Variants in DNAJC6 observed in about 807,000 individuals in gnomAD.
The protein encoded by DNAJC6 is DnaJ heat shock protein family (Hsp40) member C6.
In DNAJC6, 34 loss-of-function variants were observed where a neutral mutation model predicts 110.0. The observed-to-expected ratio is 0.31, with a 90% CI of 0.24 to 0.41. The LOEUF (loss-of-function observed/expected upper bound fraction) is 0.41. Among genes scored for constraint, DNAJC6 ranks in the 10% least tolerant of loss-of-function variants. DNAJC6 has a pLI of 1.00. For synonymous variants in DNAJC6, 406 were observed against 437.2 expected, an observed-to-expected ratio of 0.93 and a Z score of 0.89; for missense variants, 1,031 against 1,207.8, an observed-to-expected ratio of 0.85 and a Z score of 2.17.
At chr1:65,400,721 C>A (rs761014308) in intron 14 of DNAJC6, among the ~76,000 whole-genome samples, 1 of 152,108 alleles carries the variant, frequency 6.6e-6, no homozygotes, top group Non-Finnish European at 1.5e-5. Context: ...TTTATTTATC[C>A]ATTCATCCAT....
At chr1:65,360,656 T>C (rs1215648479) in intron 1 of DNAJC6, among the ~76,000 whole-genome samples, 1 of 152,156 alleles carries the variant, frequency 6.6e-6, no homozygotes, top group Non-Finnish European at 1.5e-5. Flanking sequence ...GGGGTGTGTT[T>C]ACAGGGAAAT....
chr1:65,394,110 G>A (rs1221820829), intron 12 of DNAJC6, among the ~76,000 whole-genome samples: 1 of 151,808 alleles, frequency 6.6e-6, no homozygotes, highest in Non-Finnish European at 1.5e-5. Context: ...ATCAGTACTC[G>A]ATAATTGCAT....
At chr1:65,355,437 T>A (rs1458815482) in intron 1 of DNAJC6, among the ~76,000 whole-genome samples, 1 of 152,154 alleles carries the variant, frequency 6.6e-6, no homozygotes, top group Admixed American at 6.5e-5. Context: ...CATTACCTGC[T>A]CTGTGGCCTC....
chr1:65,394,910 A>T lies in DNAJC6; in HGVS notation c.1916A>T (p.Asp639Val). The part of the protein sequence containing the change: ...TLRVGEGATF[D>V]PFGAPSKPSG... ...CATTGTTTTCTAGGTGCCACCTTTG[A>T]CCCATTTGGAGCACCTTCTAAACCA... The change falls in exon 13 of 19, where the codon GAC (aspartate) becomes GTC (valine). Residue 639 changes from aspartate to valine, a missense_variant. Transcript: ENST00000371069. 2 of 1,599,710 alleles carry T rather than the reference A, an allele frequency of 1.3e-6. No individual in the cohort carries two copies. Among genetic ancestry groups the T allele is most frequent in the Non-Finnish European group, 1.7e-6 (2 of 1,175,496 alleles).
At position 65,382,710 on chromosome 1, in the gene DNAJC6, T is replaced by G. The variant is rs193271366; in HGVS notation, c.667-1483T>G. 5.5e-4 allele frequency among the ~76,000 whole-genome samples: 84 copies of G among 152,310 alleles called. No individual in the cohort carries two copies. The East Asian group carries it at 8.7e-3, about 16-fold the overall frequency. Reference sequence around the variant, plus strand: ...AGCCTACATTTATACTAGCTTGGGCTGGGGTTATGTTAATAAAAGCATAGT... The same window carrying G: ...AGCCTACATTTATACTAGCTTGGGCGGGGGTTATGTTAATAAAAGCATAGT... On this transcript the variant is annotated intron_variant, in intron 5 of 18. Coordinates refer to ENST00000371069, the MANE Select transcript of DNAJC6 (RefSeq NM_001256864.2).
Position 65,395,022 on chromosome 1 carries a change from C to T in DNAJC6, c.2028C>T (p.Pro676=), listed in dbSNP as rs1202490196. The change falls in exon 13 of 19, where the codon CCC becomes CCT. Residue 676 remains proline (P), a synonymous_variant. Transcript: ENST00000371069. ...TCCAGCCAACAAGAAGTCCTTCGCC[C>T]ACAGTACATGGTAAGGAAATATTTT... The part of the protein sequence containing the change: ...PFLQPTRSPS[P]TVHASSTPAV... 1 of 1,610,062 alleles carries T rather than the reference C, an allele frequency of 6.2e-7. No individual in the cohort carries two copies. The highest frequency in any genetic ancestry group is 1.7e-5 in the Admixed American group (1 of 59,300).
chr1:65,272,634 T>C (rs1653541960), intron 1 of DNAJC6, among the ~76,000 whole-genome samples: 1 of 152,250 alleles, frequency 6.6e-6, no homozygotes, highest in Non-Finnish European at 1.5e-5. Context: ...AAGAATTCAC[T>C]GGTGAAGCCA....
Position 65,389,365 on chromosome 1 carries a change from T to C in DNAJC6, c.1303T>C (p.Trp435Arg). 1 of 1,614,178 alleles carries C rather than the reference T, an allele frequency of 6.2e-7. No homozygotes were observed. The highest frequency in any genetic ancestry group is 8.5e-7 in the Non-Finnish European group (1 of 1,180,028). ...CAAAGTAATAGACTTAACTCCACCA[T>C]GGGAACATTACTGCACAAAAGATGT... Reference protein sequence around the residue: ...HDKVIDLTPPWEHYCTKDVNP... With the variant: ...HDKVIDLTPPREHYCTKDVNP... The change falls in exon 10 of 19, where the codon TGG (tryptophan) becomes CGG (arginine). Residue 435 changes from tryptophan (W) to arginine (R), a missense_variant. Physicochemically the swap from Trp to Arg is moderately radical, Grantham distance 101 (BLOSUM62 -3). Transcript: ENST00000371069.
At chr1:65,291,947 T>C (rs1329820623) in intron 1 of DNAJC6, among the ~76,000 whole-genome samples, 1 of 152,164 alleles carries the variant, frequency 6.6e-6, no homozygotes, top group African/African-American at 2.4e-5. Context: ...GTCACTTTTT[T>C]CCCACCTTCA....
intron 7 of DNAJC6, 125 bp downstream of exon 7, chr1:65,386,031 T>C: frequency 3.0e-6 from 3 of 1,012,272 alleles, no homozygotes; most frequent in Non-Finnish European, 4.2e-6. Flanking sequence ...ATATAAAAAA[T>C]GTTCAACATC....
intron 1 of DNAJC6, among the ~76,000 whole-genome samples, chr1:65,271,190 CT>C (rs55900228): frequency 8.9e-5 from 1 of 11,182 alleles, no homozygotes; most frequent in Non-Finnish European, 2.9e-4. Flanking sequence ...TAGAAATCTA[CT>C]ACATTTTGGA....
chr1:65,327,000 G>A (rs79164368), intron 1 of DNAJC6, among the ~76,000 whole-genome samples: 2,323 of 152,310 alleles, frequency 0.015, 73 homozygotes, highest in African/African-American at 0.054. Flanking sequence ...TGGCCCTCAA[G>A]TTGCTCTTTT....
At chr1:65,273,212 T>G (rs997598513) in intron 1 of DNAJC6, among the ~76,000 whole-genome samples, 1 of 152,250 alleles carries the variant, frequency 6.6e-6, no homozygotes, top group Non-Finnish European at 1.5e-5. Context: ...GGCTATAACT[T>G]ATGACTTATT....
chr1:65,395,595 G>C (rs1008966938), intron 13 of DNAJC6, among the ~76,000 whole-genome samples: 3 of 151,942 alleles, frequency 2.0e-5, no homozygotes, highest in African/African-American at 7.3e-5. Context: ...TCAAAACTTA[G>C]TACAAAAAGG....
At position 65,385,736 on chromosome 1, in the gene DNAJC6, A is replaced by C. The variant is rs747310079; in HGVS notation, c.825A>C (p.Leu275=). The change falls in exon 7 of 19, where the codon CTA becomes CTC. Residue 275 remains leucine (L), a synonymous_variant. Transcript: ENST00000371069. ...GATACCTGGGCTATATGTGTGACCT[A>C]CTGGCAGACAAGCCCTACCGCCCTC... ...HRRYLGYMCD[L]LADKPYRPHF... is the part of the protein sequence containing the mutation. The C allele has an allele frequency of 6.2e-7, 1 of 1,611,968 alleles. No individual in the cohort carries two copies. The highest frequency in any genetic ancestry group is 1.1e-5 in the South Asian group (1 of 90,910).
chr1:65,301,253 A>G (rs1008393507), intron 1 of DNAJC6, among the ~76,000 whole-genome samples: 1 of 152,194 alleles, frequency 6.6e-6, no homozygotes, highest in Admixed American at 6.5e-5. Context: ...AACACACTCA[A>G]AGTGCCTTTT....
chr1:65,311,379 C>T (rs1275312921), intron 1 of DNAJC6, among the ~76,000 whole-genome samples: 3 of 152,028 alleles, frequency 2.0e-5, no homozygotes, highest in Admixed American at 2.0e-4. Flanking sequence ...CACCTGTCAC[C>T]ATGCCCGGCT....
intron 9 of DNAJC6, among the ~76,000 whole-genome samples, chr1:65,388,811 T>C (rs766502018): frequency 7.2e-5 from 11 of 152,316 alleles, no homozygotes; most frequent in Non-Finnish European, 1.2e-4. Context: ...TGAAGCAGGC[T>C]TCTGGAGGAC....
intron 1 of DNAJC6, 107 bp downstream of exon 1, chr1:65,310,045 G>T: frequency 2.3e-6 from 3 of 1,313,036 alleles, no homozygotes; most frequent in Non-Finnish European, 2.0e-6. Context: ...CGGTTTGCGA[G>T]AGAGCCGGGC....
Sources: allele counts gnomAD v4.1 joint callset (sites outside exome capture counted in the v4.1 genomes callset), GRCh38; gene constraint gnomAD v4.1.1; transcripts MANE v1.5; gene names NCBI Gene and HGNC (gene_info 2026-07-23, HGNC 2026-07-21).